CSF2RB: variants seen among roughly 807,000 people sequenced by gnomAD.
The protein encoded by CSF2RB is cytokine receptor common subunit beta.
Under a neutral mutation model 67.2 loss-of-function variants are expected in CSF2RB, and 22 were observed. The ratio of observed to expected loss-of-function variants is 0.33; its 90% confidence interval spans 0.23 to 0.47. The LOEUF (loss-of-function observed/expected upper bound fraction) is 0.47, where lower values mean the gene tolerates loss of function less well. Ranked by LOEUF, CSF2RB falls within the 20% of genes least tolerant of loss-of-function variation. The probability of loss-of-function intolerance (pLI) is 1.00; values close to 1 mark genes in which losing one functional copy is unlikely to be tolerated. For missense variants in CSF2RB, 1,113 were observed against 1,174.5 expected (o/e 0.95, Z 0.76); for synonymous variants, 507 against 482.9 (o/e 1.05, Z -0.65).
At chr22:36,915,515 C>T (rs948237009) in intron 1 of CSF2RB, among the ~76,000 whole-genome samples, 1 of 151,618 alleles carries the variant, frequency 6.6e-6, no homozygotes, top group Non-Finnish European at 1.5e-5. Context: ...AGATTTAACT[C>T]GTTAAGTAAC....
chr22:36,919,978 G>A (rs1352233895), intron 1 of CSF2RB, among the ~76,000 whole-genome samples: 1 of 152,232 alleles, frequency 6.6e-6, no homozygotes, highest in East Asian at 1.9e-4. Context: ...GTCAGGGACA[G>A]AGTCTAGAGG....
intron 9 of CSF2RB, 100 bp downstream of exon 9, chr22:36,933,004 G>A (rs1370483695): frequency 1.8e-5 from 27 of 1,461,968 alleles, no homozygotes; most frequent in Middle Eastern, 1.9e-4. Context: ...GCCCTTGGCA[G>A]GTGACCAGTG....
chr22:36,915,787 A>G (rs1940704495), intron 1 of CSF2RB, among the ~76,000 whole-genome samples: 1 of 152,230 alleles, frequency 6.6e-6, no homozygotes, highest in Non-Finnish European at 1.5e-5. Flanking sequence ...TAGAGAAATT[A>G]TCAATCTTCT....
chr22:36,921,068 ATGTG>A (rs367830429), intron 1 of CSF2RB, among the ~76,000 whole-genome samples: 1 of 149,390 alleles, frequency 6.7e-6, no homozygotes, highest in Non-Finnish European at 1.5e-5. Flanking sequence ...GCGAGTGTGT[ATGTG>A]TGTGTGTGTT....
chr22:36,921,376 T>A (rs1044560404), intron 1 of CSF2RB, among the ~76,000 whole-genome samples: 6 of 151,826 alleles, frequency 4.0e-5, no homozygotes, highest in African/African-American at 1.5e-4. Context: ...TGGGTATGTG[T>A]GTGCATGTTT....
intron 3 of CSF2RB, among the ~76,000 whole-genome samples, chr22:36,925,706 T>C (rs1940998816): frequency 6.6e-6 from 1 of 152,192 alleles, no homozygotes; most frequent in Admixed American, 6.5e-5. Context: ...GCTTGTCCCA[T>C]ATTTCAAATT....
At position 36,923,312 on chromosome 22, in the gene CSF2RB, G is replaced by A; in HGVS notation, c.145G>A (p.Asp49Asn). ...CAGCCACATCACCTGCAGGTGGGCA[G>A]ACACCCAGGATGCCCAGCGGCTCGT... is the stretch of plus-strand genomic sequence containing the variant. ...YTSHITCRWADTQDAQRLVNV... is the reference protein window; with the variant it reads ...YTSHITCRWANTQDAQRLVNV... Residue 49 changes from aspartate to asparagine, a missense_variant, in exon 3 of 14, where the codon GAC becomes AAC. Around this residue, in one of 2 missense-constraint regions of CSF2RB, gnomAD observed 559 missense variants for 656.5 expected, o/e 0.85. Coordinates refer to ENST00000403662, the MANE Select transcript of CSF2RB (RefSeq NM_000395.3). 6.2e-7 allele frequency: 1 copy of A among 1,614,230 alleles called. No homozygotes were observed. The highest frequency in any genetic ancestry group is 8.5e-7 in the Non-Finnish European group (1 of 1,180,044).
intron 1 of CSF2RB, among the ~76,000 whole-genome samples, chr22:36,921,743 G>A (rs1700206835): frequency 6.6e-6 from 1 of 152,180 alleles, no homozygotes; most frequent in Non-Finnish European, 1.5e-5. Flanking sequence ...TGACACTGTG[G>A]CATCCAACAG....
At position 36,937,962 on chromosome 22, in the gene CSF2RB, A is replaced by G. The variant is rs778642190; in HGVS notation, c.2154A>G (p.Val718=). ...ASGYVSSADL[V]FTPNSGASSV... ...GTTATGTCTCCTCTGCAGACCTGGT[A>G]TTCACCCCAAACTCAGGGGCCTCGT... Residue 718 remains valine, a synonymous_variant, in exon 14 of 14, where the codon GTA becomes GTG. Coordinates refer to ENST00000403662, the MANE Select transcript of CSF2RB (RefSeq NM_000395.3). The surrounding 1 kb of genome is among the most constrained non-coding windows in gnomAD (Gnocchi z 4.6). 55 of 1,613,850 alleles carry G rather than the reference A, an allele frequency of 3.4e-5. No homozygotes were observed. Among genetic ancestry groups the G allele is most frequent in the East Asian group, 1.8e-4 (8 of 44,870 alleles).
chr22:36,931,660 G>T (rs1941149041), intron 8 of CSF2RB, among the ~76,000 whole-genome samples: 1 of 152,220 alleles, frequency 6.6e-6, no homozygotes. Context: ...ACAGCTATTA[G>T]TAGGCAGATC....
chr22:36,923,423 T>C (rs912415224), intron 3 of CSF2RB, 56 bp downstream of exon 3: 3 of 1,592,808 alleles, frequency 1.9e-6, no homozygotes, highest in Non-Finnish European at 1.7e-6. Flanking sequence ...CCCCTGTGCC[T>C]GGCATGGGGC....
intron 6 of CSF2RB, 35 bp downstream of exon 6, chr22:36,929,842 T>G: frequency 6.2e-7 from 1 of 1,604,312 alleles, no homozygotes. Context: ...TGCCCCGTGG[T>G]GGGAGGGCAG....
At chr22:36,934,406 C>T (rs922784213) in intron 10 of CSF2RB, among the ~76,000 whole-genome samples, 2 of 152,208 alleles carry the variant, frequency 1.3e-5, no homozygotes, top group African/African-American at 4.8e-5. Flanking sequence ...GTACAGACTG[C>T]AAGTGAGGAC....
intron 4 of CSF2RB, among the ~76,000 whole-genome samples, chr22:36,929,097 G>A (rs778884739): frequency 3.3e-4 from 51 of 152,328 alleles, no homozygotes; most frequent in Non-Finnish European, 6.2e-4. Flanking sequence ...AGGCCGCAGC[G>A]TGGGCAGTGG....
intron 1 of CSF2RB, among the ~76,000 whole-genome samples, chr22:36,917,908 G>A (rs2145768752): frequency 6.6e-6 from 1 of 151,368 alleles, no homozygotes; most frequent in South Asian, 2.1e-4. Context: ...GGGTGATGGG[G>A]TGAGATTCTG....
intron 1 of CSF2RB, among the ~76,000 whole-genome samples, chr22:36,915,422 TTA>T (rs35022648): frequency 0.015 from 2,169 of 146,374 alleles, 60 homozygotes; most frequent in African/African-American, 0.05. Context: ...ATTATTTTAT[TTA>T]TATATATATA....
At chr22:36,923,084 G>A (rs1486193813) in intron 2 of CSF2RB, among the ~76,000 whole-genome samples, 160 bp from the exon 3 acceptor site, 3 of 152,160 alleles carry the variant, frequency 2.0e-5, no homozygotes, top group African/African-American at 4.8e-5. Flanking sequence ...AGCCCACCCC[G>A]GCAGACATGA....
intron 3 of CSF2RB, among the ~76,000 whole-genome samples, chr22:36,923,604 A>G (rs1940935834): frequency 6.6e-6 from 1 of 152,170 alleles, no homozygotes; most frequent in Non-Finnish European, 1.5e-5. Context: ...TGTTGGTGAC[A>G]ATGGTGGTGG....
chr22:36,937,720 C>T lies in CSF2RB; in HGVS notation c.1912C>T (p.Gln638Ter), dbSNP rs2145826141. 1 of 1,557,422 alleles carries T rather than the reference C, an allele frequency of 6.4e-7. No homozygotes were observed. Among genetic ancestry groups the T allele is most frequent in the East Asian group, 2.4e-5 (1 of 41,496 alleles). ...GTGTCTGCCTGCTGGGGGGCAGGTG[C>T]AACTGGTCCCTCTGGCCCAGGCGAT... ...YLCLPAGGQVQLVPLAQAMGP... is the reference protein window; with the variant it reads ...YLCLPAGGQV The change falls in exon 14 of 14, where the codon CAA (glutamine) becomes TAA (stop). Residue 638 changes from glutamine to a stop codon, truncating the protein, a stop_gained. Coordinates refer to ENST00000403662, the MANE Select transcript of CSF2RB (RefSeq NM_000395.3). LOFTEE classifies it low-confidence loss of function (END_TRUNC). This position sits in a 1 kb window ranked among gnomAD's most constrained non-coding sequence, Gnocchi z 4.6.
Sources: allele counts gnomAD v4.1 joint callset (sites outside exome capture counted in the v4.1 genomes callset), GRCh38; gene constraint gnomAD v4.1.1; regional missense constraint gnomAD v4.1.1; non-coding constraint Gnocchi (gnomAD v3.1); transcripts MANE v1.5; gene names NCBI Gene and HGNC (gene_info 2026-07-23, HGNC 2026-07-21).